CORO2B: variants seen among roughly 807,000 people sequenced by gnomAD.
CORO2B encodes coronin 2B, also known as coronin-2B.
A neutral mutation model predicts 58.8 loss-of-function variants in CORO2B; 26 were observed. The observed-to-expected ratio is 0.44, with a 90% CI of 0.32 to 0.61. The LOEUF is 0.61. Ranked by LOEUF, CORO2B falls within the 20% of genes least tolerant of loss-of-function variation. The pLI, the probability that CORO2B is intolerant of heterozygous loss-of-function variation, is 0.04. For synonymous variants in CORO2B, 242 were observed against 253.8 expected (o/e 0.95, Z 0.44); for missense variants, 460 against 645.1 (o/e 0.71, Z 3.11).
At chr15:68,544,886 C>T in the CORO2B span, among the ~76,000 whole-genome samples, 30 of 152,228 alleles carry the variant, frequency 2.0e-4, no homozygotes, top group Non-Finnish European at 3.8e-4. Flanking sequence ...ACGCCATTCT[C>T]CTGCCTCAGC....
At chr15:68,665,006 T>C (rs1027085948) in intron 2 of CORO2B, among the ~76,000 whole-genome samples, 3 of 11,940 alleles carry the variant, frequency 2.5e-4, no homozygotes, top group Non-Finnish European at 1.3e-3. Context: ...TATTTAAGTT[T>C]ACCAGTCTTT....
At chr15:68,520,976 G>C in the CORO2B span, among the ~76,000 whole-genome samples, 37 of 152,236 alleles carry the variant, frequency 2.4e-4, no homozygotes, top group Non-Finnish European at 2.9e-5. Flanking sequence ...TTGAACCTGG[G>C]AGGTGGAGGT....
intron 3 of CORO2B, among the ~76,000 whole-genome samples, chr15:68,706,368 C>T (rs796610380): frequency 6.6e-6 from 1 of 151,918 alleles, no homozygotes; most frequent in East Asian, 1.9e-4. Context: ...TCCAACAGCT[C>T]TGTGCCCCCA....
At chr15:68,578,379 T>G (rs1173849203), upstream of CORO2B, among the ~76,000 whole-genome samples, 1 of 152,166 alleles carries the variant, frequency 6.6e-6, no homozygotes, top group East Asian at 1.9e-4. This position sits in a 1 kb window ranked among gnomAD's most constrained non-coding sequence, Gnocchi z 4.2. Context: ...TCCGTCCCAC[T>G]CTGATCGTCA....
At chr15:68,620,499 T>TG (rs1900486404) in intron 1 of CORO2B, among the ~76,000 whole-genome samples, 1 of 152,078 alleles carries the variant, frequency 6.6e-6, no homozygotes, top group African/African-American at 2.4e-5. Context: ...ACAGAACACT[T>TG]GTCCATGAGT....
chr15:68,608,724 C>G (rs980828937), intron 1 of CORO2B, among the ~76,000 whole-genome samples: 1 of 152,208 alleles, frequency 6.6e-6, no homozygotes, highest in South Asian at 2.1e-4. Flanking sequence ...AGCCTCATGG[C>G]TTTGTTCTCC....
At chr15:68,602,208 TG>T (rs1900001679) in intron 1 of CORO2B, among the ~76,000 whole-genome samples, 1 of 151,592 alleles carries the variant, frequency 6.6e-6, no homozygotes, top group Non-Finnish European at 1.5e-5. Flanking sequence ...GAAGTGGGAG[TG>T]GGGGGAACTG....
At chr15:68,658,718 G>A (rs1415963494) in intron 2 of CORO2B, among the ~76,000 whole-genome samples, 1 of 152,204 alleles carries the variant, frequency 6.6e-6, no homozygotes, top group East Asian at 1.9e-4. Flanking sequence ...TTTGGGATTG[G>A]AACAAGGTGT....
At chr15:68,526,760 C>A in the CORO2B span, among the ~76,000 whole-genome samples, 1 of 152,042 alleles carries the variant, frequency 6.6e-6, no homozygotes, top group Non-Finnish European at 1.5e-5. Flanking sequence ...AAAAAGATTT[C>A]TTTATTTACT....
Position 68,719,525 on chromosome 15 carries a change from A to G in CORO2B, c.1284A>G (p.Glu428=). The G allele has an allele frequency of 6.8e-6, 11 of 1,614,160 alleles. No homozygotes were observed. Among genetic ancestry groups the G allele is most frequent in the Non-Finnish European group, 8.5e-6 (10 of 1,180,006 alleles). The change falls in exon 11 of 12, where the codon GAA becomes GAG. Residue 428 remains glutamate (E), a synonymous_variant. Transcript: ENST00000261861. Reference sequence around the variant, plus strand: ...TGGTCAACGGAATAGATTTATTAGAAAATGTCCCACCCAGGACAGAGAATG... The same window carrying G: ...TGGTCAACGGAATAGATTTATTAGAGAATGTCCCACCCAGGACAGAGAATG... ...SVVVNGIDLL[E]NVPPRTENEL... is the part of the protein sequence containing the mutation.
chr15:68,589,729 T>C (rs1022710208), intron 1 of CORO2B, among the ~76,000 whole-genome samples: 13 of 152,166 alleles, frequency 8.5e-5, no homozygotes, highest in Admixed American at 2.6e-4. Context: ...TGGGAGAAAG[T>C]TCCAGAAAGG....
intron 2 of CORO2B, among the ~76,000 whole-genome samples, chr15:68,694,231 A>G (rs1169722884): frequency 1.3e-5 from 2 of 152,216 alleles, no homozygotes; most frequent in African/African-American, 4.8e-5. Context: ...TTTCTGCAGG[A>G]GGTGTCATCT....
At chr15:68,681,311 G>A (rs1902773758) in intron 2 of CORO2B, among the ~76,000 whole-genome samples, 1 of 152,060 alleles carries the variant, frequency 6.6e-6, no homozygotes, top group African/African-American at 2.4e-5. Context: ...AGCAGGAGTT[G>A]GGGCGTCTCT....
At chr15:68,701,478 AT>A (rs71145193) in intron 3 of CORO2B, among the ~76,000 whole-genome samples, 22 of 38,848 alleles carry the variant, frequency 5.7e-4, no homozygotes, top group African/African-American at 1.7e-3. Context: ...CGCCCGGCTA[AT>A]TTTTTTTTTT....
the CORO2B span, among the ~76,000 whole-genome samples, chr15:68,531,334 C>CAAAAAACAAA: frequency 2.1e-3 from 320 of 151,244 alleles, 2 homozygotes; most frequent in African/African-American, 6.2e-3. Context: ...TACAAAAATA[C>CAAAAAACAAA]AAAAAACAAA....
At chr15:68,521,147 A>ACC in the CORO2B span, among the ~76,000 whole-genome samples, 2 of 151,992 alleles carry the variant, frequency 1.3e-5, no homozygotes, top group Admixed American at 6.6e-5. Context: ...TTTTACATCT[A>ACC]CCATCTTTAC....
At chr15:68,725,107 A>C (rs1893260717) in intron 11 of CORO2B, among the ~76,000 whole-genome samples, 1 of 152,176 alleles carries the variant, frequency 6.6e-6, no homozygotes, top group Non-Finnish European at 1.5e-5. Context: ...GGTAGCTTAC[A>C]CCTGTAATCC....
the CORO2B span, among the ~76,000 whole-genome samples, chr15:68,554,153 G>T: frequency 6.6e-6 from 1 of 152,280 alleles, no homozygotes; most frequent in South Asian, 2.1e-4. Context: ...CTGAGTATGG[G>T]GAGACAGAGA....
At chr15:68,531,518 AG>A in the CORO2B span, among the ~76,000 whole-genome samples, 1 of 37,024 alleles carries the variant, frequency 2.7e-5, no homozygotes, top group Non-Finnish European at 8.1e-5. Context: ...GAAGGAAGGA[AG>A]GAAGGAAGGA....
Sources: gnomAD v4.1 joint callset for allele counts (sites outside exome capture counted in the v4.1 genomes callset) on GRCh38, gnomAD v4.1.1 for gene constraint, Gnocchi (gnomAD v3.1) non-coding constraint, MANE v1.5 for transcripts, NCBI Gene and HGNC (gene_info 2026-07-23, HGNC 2026-07-21) for gene names.